Variants in PYM1 observed in about 807,000 individuals in gnomAD.
PYM1 encodes the protein partner of Y14 and mago.
Under a neutral mutation model 20.7 loss-of-function variants are expected in PYM1, and 7 were observed. That is an observed-to-expected ratio of 0.34 (90% CI 0.19 to 0.64). The LOEUF (loss-of-function observed/expected upper bound fraction) is 0.64, where lower values mean the gene tolerates loss of function less well. Among genes scored for constraint, PYM1 ranks in the 30% least tolerant of loss-of-function variants. The pLI, the probability that PYM1 is intolerant of heterozygous loss-of-function variation, is 0.74. For missense variants in PYM1, 194 were observed against 250.0 expected (o/e 0.78, Z 1.51); for synonymous variants, 100 against 99.2 (o/e 1.01, Z -0.05).
At chr12:55,922,187 G>C (rs1008868916) in intron 1 of PYM1, among the ~76,000 whole-genome samples, 1 of 151,934 alleles carries the variant, frequency 6.6e-6, no homozygotes, top group African/African-American at 2.4e-5. Context: ...TTTTTAAGGA[G>C]AGCACAACTC....
chr12:55,927,797 C>T lies in PYM1; in HGVS notation c.-36G>A, dbSNP rs1273733782. ...GCAGCGGACCAGGTTGGGCGGGCGGCCCTGGCCTGGCTCTGCCCCGCTGGG... is the reference window on the plus strand; with the variant it reads ...GCAGCGGACCAGGTTGGGCGGGCGGTCCTGGCCTGGCTCTGCCCCGCTGGG... On this transcript the variant is annotated 5_prime_UTR_variant, in exon 1 of 3. Transcript: ENST00000408946. 6 of 1,535,028 alleles carry T rather than the reference C, an allele frequency of 3.9e-6. No homozygotes were observed. The highest frequency in any genetic ancestry group is 2.0e-5 in the Admixed American group (1 of 50,776).
At chr12:55,907,648 AAAATTGGAGGCC>A (rs1483674253) in intron 1 of PYM1, among the ~76,000 whole-genome samples, 3,348 of 148,740 alleles carry the variant, frequency 0.023, 119 homozygotes, top group African/African-American at 0.079. Context: ...AAAAAAAAAA[AAAATTGGAGGCC>A]AGGCGCAGTG....
intron 1 of PYM1, among the ~76,000 whole-genome samples, chr12:55,910,266 T>C (rs201987510): frequency 3.4e-4 from 2 of 5,810 alleles, no homozygotes; most frequent in Non-Finnish European, 6.7e-4. Flanking sequence ...TATATATATA[T>C]ATATATATAT....
intron 1 of PYM1, among the ~76,000 whole-genome samples, chr12:55,909,684 G>A (rs1451096680): frequency 3.3e-5 from 5 of 151,820 alleles, no homozygotes; most frequent in Admixed American, 6.6e-5. Flanking sequence ...AGGGGCACTG[G>A]AACGTAAGAG....
chr12:55,903,477 T>C lies in PYM1; in HGVS notation c.41A>G (p.Lys14Arg). The change falls in exon 2 of 3, where the codon AAG becomes AGG. Residue 14 changes from lysine (K) to arginine (R), a missense_variant. Lys to Arg is a conservative substitution (Grantham distance 26). Coordinates refer to ENST00000408946, the MANE Select transcript of PYM1 (RefSeq NM_032345.3). ...AGSPAATETG[K>R]YIASTQRPDG... ...AGGTCGCTGTGTTGACGCGATATAC[T>C]TGCCTAAAATAAGAAAAATCAAGTT... The C allele has an allele frequency of 1.2e-6, 2 of 1,612,524 alleles. No homozygotes were observed. The highest frequency in any genetic ancestry group is 8.5e-7 in the Non-Finnish European group (1 of 1,179,540).
chr12:55,914,459 A>G (rs548936003), intron 1 of PYM1: 43 of 663,008 alleles, frequency 6.5e-5, no homozygotes, highest in South Asian at 5.9e-4. Context: ...CTACTGTAAG[A>G]ATCTTTTTAA....
intron 1 of PYM1, chr12:55,926,961 C>T: frequency 1.8e-6 from 2 of 1,130,466 alleles, no homozygotes; most frequent in Non-Finnish European, 1.2e-6. Flanking sequence ...GAAGGCGGTC[C>T]GGGGGGCGGG....
intron 1 of PYM1, among the ~76,000 whole-genome samples, chr12:55,926,547 C>T (rs1403584640): frequency 6.6e-6 from 1 of 152,176 alleles, no homozygotes; most frequent in African/African-American, 2.4e-5. Context: ...TATTAGGGTC[C>T]TCTTCCCTTC....
chr12:55,905,871 ATCTATTAGATATATATATT>A (rs1882794984), intron 1 of PYM1, among the ~76,000 whole-genome samples: 1 of 125,882 alleles, frequency 7.9e-6, no homozygotes, highest in Non-Finnish European at 1.6e-5. Context: ...ATATATATAT[ATCTATTAGATATATATATT>A]ATTATATATA....
intron 1 of PYM1, among the ~76,000 whole-genome samples, chr12:55,911,556 C>T (rs771965040): frequency 2.6e-5 from 4 of 151,870 alleles, no homozygotes; most frequent in Non-Finnish European, 4.4e-5. Context: ...AAGTAAGTAA[C>T]GAGGCCAGCC....
chr12:55,921,807 A>G lies in PYM1; in HGVS notation c.37+5918T>C, dbSNP rs190493290. On this transcript the variant is annotated intron_variant, in intron 1 of 2. Coordinates refer to ENST00000408946, the MANE Select transcript of PYM1 (RefSeq NM_032345.3). ...AACCTAACATATAAAATACACATCT[A>G]TAAGTCCATATTGATATACATAAAT... 5.9e-5 allele frequency among the ~76,000 whole-genome samples: 9 copies of G among 152,344 alleles called. No homozygotes were observed. The South Asian group carries it at 6.2e-4, about 11-fold the overall frequency.
chr12:55,904,093 G>T (rs1385028722), intron 1 of PYM1, among the ~76,000 whole-genome samples: 3 of 151,812 alleles, frequency 2.0e-5, no homozygotes, highest in Admixed American at 2.0e-4. Context: ...TCAGCCTCCC[G>T]AGTAGCTAGG....
rs1467277854 is a variant in PYM1 at position 55,903,455 on chromosome 12, T to A, written c.63A>T (p.Arg21=). Residue 21 remains arginine (R), a synonymous_variant, in exon 2 of 3, where the codon CGA becomes CGT. Coordinates refer to ENST00000408946, the MANE Select transcript of PYM1 (RefSeq NM_032345.3). ...GCTGCTTGCGCCAGGTCCCGTCAGG[T>A]CGCTGTGTTGACGCGATATACTTGC... The part of the protein sequence containing the change: ...ETGKYIASTQ[R]PDGTWRKQRR... 1.2e-5 allele frequency: 20 copies of A among 1,613,928 alleles called. 1 individual carries two copies. In the Admixed American group the frequency reaches 3.2e-4, roughly 26 times the overall value.
intron 1 of PYM1, among the ~76,000 whole-genome samples, chr12:55,918,964 G>C (rs947695429): frequency 6.6e-6 from 1 of 152,196 alleles, no homozygotes; most frequent in Non-Finnish European, 1.5e-5. Context: ...ATTAAACAGG[G>C]GTTATCCCTA....
intron 1 of PYM1, among the ~76,000 whole-genome samples, chr12:55,912,012 C>T (rs577764936): frequency 1.6e-4 from 25 of 152,022 alleles, no homozygotes; most frequent in Admixed American, 1.6e-3. Context: ...GAGTCTTGGA[C>T]AACATATTGA....
At chr12:55,910,289 A>G (rs1251670400) in intron 1 of PYM1, among the ~76,000 whole-genome samples, 3 of 143,972 alleles carry the variant, frequency 2.1e-5, no homozygotes, top group Non-Finnish European at 4.5e-5. Context: ...ATATATATAA[A>G]ATTTTTTTTG....
At chr12:55,922,445 CAAAAAAAAAA>C (rs56355933) in intron 1 of PYM1, among the ~76,000 whole-genome samples, 1 of 86,246 alleles carries the variant, frequency 1.2e-5, no homozygotes, top group Non-Finnish European at 2.2e-5. Context: ...CCATCTTTAC[CAAAAAAAAAA>C]AAAAAAAAAA....
chr12:55,927,331 T>C (rs1284519778), intron 1 of PYM1: 1 of 761,050 alleles, frequency 1.3e-6, no homozygotes, highest in East Asian at 2.7e-5. Flanking sequence ...TACTGAGCGC[T>C]TGCTGCCTGT....
intron 1 of PYM1, among the ~76,000 whole-genome samples, chr12:55,904,748 A>G (rs1337734270): frequency 6.6e-6 from 1 of 151,730 alleles, no homozygotes; most frequent in Non-Finnish European, 1.5e-5. Context: ...GTGATGGCAC[A>G]CGTCTGTAAT....
Sources: gnomAD v4.1 joint callset for allele counts (sites outside exome capture counted in the v4.1 genomes callset) on GRCh38, gnomAD v4.1.1 for gene constraint, MANE v1.5 for transcripts, NCBI Gene and HGNC (gene_info 2026-07-23, HGNC 2026-07-21) for gene names.